Variants in LAMB3 observed in about 807,000 individuals in gnomAD.
LAMB3 encodes laminin subunit beta 3, also known as laminin subunit beta-3.
LAMB3 carries 104 observed loss-of-function variants against 140.3 expected under a neutral mutation model. The ratio of observed to expected loss-of-function variants is 0.74; its 90% CI spans 0.63 to 0.87. The LOEUF is 0.87. Ranked by LOEUF, LAMB3 falls within the 40% of genes least tolerant of loss-of-function variation. The pLI is 0.00. For missense variants in LAMB3, 1,531 were observed against 1,575.2 expected (o/e 0.97, Z 0.47); for synonymous variants, 592 against 602.9 (o/e 0.98, Z 0.26).
intron 18 of LAMB3, among the ~76,000 whole-genome samples, chr1:209,622,271 G>T (rs941205273): frequency 6.6e-6 from 1 of 152,242 alleles, no homozygotes; most frequent in African/African-American, 2.4e-5. Context: ...TTAAGCAGGA[G>T]TGAGATGTGA....
chr1:209,617,618 G>GGT, intron 20 of LAMB3, 32 bp from the exon 21 acceptor site: 1 of 1,612,116 alleles, frequency 6.2e-7, no homozygotes, highest in Non-Finnish European at 8.5e-7. Flanking sequence ...TGGCCTTTGT[G>GGT]GTGGGTCTCA....
At chr1:209,624,729 A>C (rs1488755740) in intron 14 of LAMB3, among the ~76,000 whole-genome samples, 1 of 152,208 alleles carries the variant, frequency 6.6e-6, no homozygotes, top group Non-Finnish European at 1.5e-5. Flanking sequence ...CATGCGTCAC[A>C]TTATAGTTTA....
intron 6 of LAMB3, among the ~76,000 whole-genome samples, chr1:209,633,791 C>T (rs74156218): frequency 0.12 from 18,439 of 152,188 alleles, 1,137 homozygotes; most frequent in Middle Eastern, 0.17. Flanking sequence ...TCTGAGGGCT[C>T]ACCTGTGTCT....
Position 209,632,585 on chromosome 1 carries a change from G to A in LAMB3, c.820C>T (p.Gln274Ter). The A allele has an allele frequency of 6.2e-7, 1 of 1,613,206 alleles. No individual in the cohort carries two copies. Among genetic ancestry groups the A allele is most frequent in the Non-Finnish European group, 8.5e-7 (1 of 1,179,222 alleles). The change falls in exon 8 of 23, where the codon CAG becomes TAG. Residue 274 changes from glutamine (Q) to a stop codon, truncating the protein, a stop_gained and splice_region_variant. Transcript: ENST00000356082. LOFTEE classifies it high-confidence loss of function. ...GASAGPSTAV[Q>*]VHDVCVCQHN... Reference sequence around the variant, plus strand: ...CCCTTCCCACCCTAGGCTGTTACCTGCACAGCGGTGGAGGGGCCTGCAGAG... The same window carrying A: ...CCCTTCCCACCCTAGGCTGTTACCTACACAGCGGTGGAGGGGCCTGCAGAG...
intron 9 of LAMB3, 132 bp from the exon 10 acceptor site, chr1:209,630,057 G>A (rs190087882): frequency 3.7e-4 from 303 of 828,112 alleles, no homozygotes; most frequent in African/African-American, 3.4e-3. Context: ...GGGAAACTGA[G>A]GGCAAGGGAG....
intron 3 of LAMB3, among the ~76,000 whole-genome samples, chr1:209,649,539 T>C (rs1305715501): frequency 6.6e-6 from 1 of 152,184 alleles, no homozygotes; most frequent in Non-Finnish European, 1.5e-5. Flanking sequence ...TCTATCTCAC[T>C]GACCATGGCA....
intron 8 of LAMB3, among the ~76,000 whole-genome samples, chr1:209,632,001 G>A (rs1420032376): frequency 2.6e-5 from 4 of 152,160 alleles, no homozygotes; most frequent in South Asian, 2.1e-4. Flanking sequence ...CTCAAGCTTG[G>A]TTTCACAGCA....
At chr1:209,618,393 G>A (rs1666063695) in intron 19 of LAMB3, 59 bp downstream of exon 19, 2 of 1,552,312 alleles carry the variant, frequency 1.3e-6, no homozygotes, top group Non-Finnish European at 1.8e-6. Context: ...CAACGGGGTT[G>A]AGGAGCAAAA....
Position 209,632,576 on chromosome 1 carries a change from C to CTGTT in LAMB3, c.822+3_822+6dup. 6.2e-7 allele frequency: 1 copy of CTGTT among 1,612,956 alleles called. No individual in the cohort carries two copies. The highest frequency in any genetic ancestry group is 8.5e-7 in the Non-Finnish European group (1 of 1,179,058). On this transcript the variant is annotated splice_region_variant and intron_variant, in intron 8 of 22. Transcript: ENST00000356082. ...CTTCCTCTCCCCTTCCCACCCTAGG[C>CTGTT]TGTTACCTGCACAGCGGTGGAGGGG...
In LAMB3 at chr1:209,623,677, G is replaced by A; in HGVS notation, c.2186C>T (p.Ala729Val). Residue 729 changes from alanine (A) to valine (V), a missense_variant, in exon 16 of 23, where the codon GCT (alanine) becomes GTT (valine). Ala to Val is a moderately conservative substitution (Grantham distance 64, BLOSUM62 0). Coordinates refer to ENST00000356082, the MANE Select transcript of LAMB3 (RefSeq NM_000228.3). The surrounding 1 kb of genome is among the most constrained non-coding windows in gnomAD (Gnocchi z 4.2). ...STAYEQSAQA[A>V]QQVSDSSRLL... ...GCGCGAGCTGTCGGAGACCTGCTGA[G>A]CAGCCTGGGCTGACTGCTCGTAGGC... 6 of 1,614,190 alleles carry A rather than the reference G, an allele frequency of 3.7e-6. No individual in the cohort carries two copies. Among genetic ancestry groups the A allele is most frequent in the Non-Finnish European group, 5.1e-6 (6 of 1,180,036 alleles).
In LAMB3 at chr1:209,626,971, C is replaced by A. The variant is rs770003713; in HGVS notation, c.1493G>T (p.Gly498Val). ...AAAGCCTTCCCGACAGGGGCACTGC[C>A]CTGTGAACTGCGTGGGGAGAGCACC... Reference protein sequence around the residue: ...SLSPQCNQFTGQCPCREGFGG... With the variant: ...SLSPQCNQFTVQCPCREGFGG... Residue 498 changes from glycine (G) to valine (V), a missense_variant, in exon 13 of 23, where the codon GGG (glycine) becomes GTG (valine). Physicochemically the swap from Gly to Val is moderately radical, Grantham distance 109. Transcript: ENST00000356082. 2 of 1,611,462 alleles carry A rather than the reference C, an allele frequency of 1.2e-6. No individual in the cohort carries two copies. The highest frequency in any genetic ancestry group is 2.7e-5 in the African/African-American group (2 of 74,860).
At chr1:209,640,923 T>C (rs2076463007) in intron 3 of LAMB3, among the ~76,000 whole-genome samples, 1 of 150,794 alleles carries the variant, frequency 6.6e-6, no homozygotes, top group Non-Finnish European at 1.5e-5. Context: ...CTACTAAAAA[T>C]ACAAAAAAAA....
At chr1:209,624,897 A>AGGAT (rs1296558390) in intron 14 of LAMB3, among the ~76,000 whole-genome samples, 1 of 143,104 alleles carries the variant, frequency 7.0e-6, no homozygotes. Context: ...GAAGGAAGGA[A>AGGAT]GGAAGGAAGG....
rs886045865 is a variant in LAMB3 at position 209,626,872 on chromosome 1, C to A, written c.1592G>T (p.Cys531Phe). Reference protein sequence around the residue: ...DRTYGDVATGCRACDCDFRGT... With the variant: ...DRTYGDVATGFRACDCDFRGT... ...CCCAGGCTTTGAGCATGCACCTCGG[C>A]ATCCTGTGGCCACGTCTCCATAGGT... The change falls in exon 13 of 23, where the codon TGC becomes TTC. Residue 531 changes from cysteine (C) to phenylalanine (F), a missense_variant. Coordinates refer to ENST00000356082, the MANE Select transcript of LAMB3 (RefSeq NM_000228.3). The A allele has an allele frequency of 1.9e-6, 3 of 1,612,622 alleles. No individual in the cohort carries two copies. The highest frequency in any genetic ancestry group is 1.7e-6 in the Non-Finnish European group (2 of 1,179,072).
At position 209,623,156 on chromosome 1, in the gene LAMB3, C is replaced by T. The variant is rs747951188; in HGVS notation, c.2382G>A (p.Met794Ile). Residue 794 changes from methionine (M) to isoleucine (I), a missense_variant, in exon 17 of 23, where the codon ATG becomes ATA. Coordinates refer to ENST00000356082, the MANE Select transcript of LAMB3 (RefSeq NM_000228.3). This position sits in a 1 kb window ranked among gnomAD's most constrained non-coding sequence, Gnocchi z 4.2. ...FNKLCGNSRQMACTPISCPGE... is the reference protein window; with the variant it reads ...FNKLCGNSRQIACTPISCPGE... ...CAGGGCATGATATTGGGGTGCAAGCCATCTGCCTGGAGTTGCCACAGAGCT... is the reference window on the plus strand; with the variant it reads ...CAGGGCATGATATTGGGGTGCAAGCTATCTGCCTGGAGTTGCCACAGAGCT... 1.9e-6 allele frequency: 3 copies of T among 1,614,192 alleles called. No individual in the cohort carries two copies. Among genetic ancestry groups the T allele is most frequent in the Non-Finnish European group, 2.5e-6 (3 of 1,180,036 alleles).
Position 209,626,901 on chromosome 1 carries a change from G to T in LAMB3, c.1563C>A (p.Asp521Glu), listed in dbSNP as rs1365218912. ...CSAAAIRQCP[D>E]RTYGDVATGC... ...CTGTGGCCACGTCTCCATAGGTCCGGTCTGGACACTGGCGGATGGCTGCAG... is the reference window on the plus strand; with the variant it reads ...CTGTGGCCACGTCTCCATAGGTCCGTTCTGGACACTGGCGGATGGCTGCAG... Residue 521 changes from aspartate to glutamate, a missense_variant, in exon 13 of 23, where the codon GAC (aspartate) becomes GAA (glutamate). Asp to Glu is a conservative substitution (Grantham distance 45). Transcript: ENST00000356082. 6.2e-7 allele frequency: 1 copy of T among 1,613,792 alleles called. No individual in the cohort carries two copies. The highest frequency in any genetic ancestry group is 8.5e-7 in the Non-Finnish European group (1 of 1,179,966).
intron 3 of LAMB3, among the ~76,000 whole-genome samples, chr1:209,646,251 C>A (rs760692261): frequency 2.6e-5 from 4 of 152,128 alleles, no homozygotes; most frequent in Non-Finnish European, 4.4e-5. Context: ...CAGAGATGAC[C>A]GAAGGGCATG....
chr1:209,630,438 C>T lies in LAMB3; in HGVS notation c.943+177G>A, dbSNP rs12568035. The T allele has an allele frequency of 0.044, 32,888 of 741,422 alleles. 3,337 individuals carry two copies. Among genetic ancestry groups the T allele is most frequent in the East Asian group, 0.26 (9,909 of 38,314 alleles). 45.9% of individuals were successfully genotyped at this position (741,422 alleles called of 1,614,324 possible). On this transcript the variant is annotated intron_variant, in intron 9 of 22. Transcript: ENST00000356082. ...CTGGGGACAGTGGGAGGATGTCACC[C>T]AAATACTCTCTCCATCCTCACAGAG...
intron 8 of LAMB3, 149 bp from the exon 9 acceptor site, chr1:209,630,884 A>T (rs1166758801): frequency 2.2e-5 from 19 of 866,134 alleles, no homozygotes; most frequent in Non-Finnish European, 3.3e-5. Context: ...AATGCCGCAG[A>T]CTTCACCCAG....
Sources: gnomAD v4.1 joint callset for allele counts (sites outside exome capture counted in the v4.1 genomes callset) on GRCh38, gnomAD v4.1.1 for gene constraint, Gnocchi (gnomAD v3.1) non-coding constraint, MANE v1.5 for transcripts, NCBI Gene and HGNC (gene_info 2026-07-23, HGNC 2026-07-21) for gene names.